Variants in LPAR1 observed in about 807,000 individuals in gnomAD.
The protein encoded by LPAR1 is LPA receptor 1.
LPAR1 carries 5 observed loss-of-function variants against 23.8 expected under a neutral mutation model. The observed-to-expected ratio is 0.21, with a 90% CI of 0.11 to 0.44. The LOEUF (loss-of-function observed/expected upper bound fraction) is 0.44. LPAR1 is among the 20% of genes least tolerant of loss of function. The pLI, the probability that LPAR1 is intolerant of heterozygous loss-of-function variation, is 0.99. For synonymous variants in LPAR1, 160 were observed against 164.7 expected, an observed-to-expected ratio of 0.97 and a Z score of 0.22; for missense variants, 311 against 482.8, an observed-to-expected ratio of 0.64 and a Z score of 3.33.
chr9:111,032,908 T>A (rs78877335), intron 2 of LPAR1, among the ~76,000 whole-genome samples: 4,379 of 152,278 alleles, frequency 0.029, 75 homozygotes, highest in South Asian at 0.07. Context: ...TTAGTCAAAA[T>A]TTTTTCTTTT....
chr9:110,920,447 G>C (rs530797250), intron 5 of LPAR1, among the ~76,000 whole-genome samples: 55 of 152,174 alleles, frequency 3.6e-4, no homozygotes, highest in African/African-American at 1.3e-3. Context: ...TTCAACTGTT[G>C]TGATTTTTAT....
chr9:110,950,952 C>T (rs192849205), intron 4 of LPAR1, among the ~76,000 whole-genome samples: 2 of 152,062 alleles, frequency 1.3e-5, no homozygotes, highest in South Asian at 2.1e-4. Context: ...TAACTAGATG[C>T]GTTATTGAAT....
At chr9:110,885,968 C>T (rs1016886989) in intron 5 of LPAR1, among the ~76,000 whole-genome samples, 7 of 151,940 alleles carry the variant, frequency 4.6e-5, no homozygotes, top group Non-Finnish European at 1.0e-4. Context: ...GAGGCTGAGG[C>T]GGGTGGATTG....
At chr9:111,026,240 C>T (rs2097689261) in intron 2 of LPAR1, among the ~76,000 whole-genome samples, 1 of 152,154 alleles carries the variant, frequency 6.6e-6, no homozygotes, top group African/African-American at 2.4e-5. Flanking sequence ...AGACATCCTT[C>T]ACATCCCTTG....
chr9:111,010,283 TAGG>T (rs1180018769), intron 2 of LPAR1, among the ~76,000 whole-genome samples: 1 of 152,014 alleles, frequency 6.6e-6, no homozygotes, highest in Non-Finnish European at 1.5e-5. Context: ...GCAGAAATTA[TAGG>T]AGAATGTTAA....
At chr9:110,991,088 G>T (rs893941512) in intron 2 of LPAR1, among the ~76,000 whole-genome samples, 1 of 152,112 alleles carries the variant, frequency 6.6e-6, no homozygotes, top group Non-Finnish European at 1.5e-5. Flanking sequence ...ACTGAAAAGG[G>T]TCATAAACCT....
At chr9:110,940,896 A>T (rs1289562901) in intron 5 of LPAR1, among the ~76,000 whole-genome samples, 1 of 152,212 alleles carries the variant, frequency 6.6e-6, no homozygotes, top group Non-Finnish European at 1.5e-5. Flanking sequence ...TTTCATGAAG[A>T]TGACTGTCAG....
chr9:110,881,092 C>A (rs944651621), intron 5 of LPAR1, among the ~76,000 whole-genome samples: 4 of 152,092 alleles, frequency 2.6e-5, no homozygotes, highest in African/African-American at 9.7e-5. Flanking sequence ...ATTAAAAAAT[C>A]TTTTTTCCTG....
chr9:110,969,713 G>GA (rs1011696686), intron 4 of LPAR1, among the ~76,000 whole-genome samples: 1,328 of 130,968 alleles, frequency 0.01, 15 homozygotes, highest in African/African-American at 0.032. Context: ...CTCTGTCTCA[G>GA]AAAAAAAAAA....
At chr9:110,921,306 T>C (rs1342306533) in intron 5 of LPAR1, among the ~76,000 whole-genome samples, 2 of 152,210 alleles carry the variant, frequency 1.3e-5, no homozygotes, top group African/African-American at 4.8e-5. Context: ...TGAATGTATT[T>C]TTCCTTTCAA....
intron 5 of LPAR1, among the ~76,000 whole-genome samples, chr9:110,892,113 G>A (rs2084382581): frequency 6.6e-6 from 1 of 152,212 alleles, no homozygotes; most frequent in Non-Finnish European, 1.5e-5. Context: ...ATTTGTAATA[G>A]TCAGTAACTA....
At chr9:110,966,047 T>G (rs2096207459) in intron 4 of LPAR1, among the ~76,000 whole-genome samples, 1 of 152,072 alleles carries the variant, frequency 6.6e-6, no homozygotes, top group Non-Finnish European at 1.5e-5. Flanking sequence ...GTACCACATA[T>G]TCTCACTCAT....
intron 2 of LPAR1, among the ~76,000 whole-genome samples, chr9:111,005,151 C>CAAAAA (rs71371700): frequency 5.4e-5 from 4 of 74,292 alleles, no homozygotes; most frequent in African/African-American, 2.1e-4. Context: ...GACAAAGTCT[C>CAAAAA]AAAAAAAAAA....
At chr9:110,888,475 G>C (rs1487527458) in intron 5 of LPAR1, among the ~76,000 whole-genome samples, 1 of 151,052 alleles carries the variant, frequency 6.6e-6, no homozygotes, top group Non-Finnish European at 1.5e-5. Flanking sequence ...AATTTTCATA[G>C]AAACGATGTC....
chr9:110,909,818 T>C (rs1564438170), intron 5 of LPAR1, among the ~76,000 whole-genome samples: 2 of 151,016 alleles, frequency 1.3e-5, no homozygotes, highest in Admixed American at 6.6e-5. Flanking sequence ...TGATCTCGGC[T>C]CACTATGACC....
chr9:110,969,454 G>A (rs968209044), intron 4 of LPAR1, among the ~76,000 whole-genome samples: 5 of 152,120 alleles, frequency 3.3e-5, no homozygotes, highest in Non-Finnish European at 7.4e-5. Flanking sequence ...GCTCATGGCT[G>A]TAATCCCAGA....
At chr9:111,006,939 T>G (rs1245756597) in intron 2 of LPAR1, among the ~76,000 whole-genome samples, 2 of 152,096 alleles carry the variant, frequency 1.3e-5, no homozygotes, top group Non-Finnish European at 2.9e-5. Context: ...TGGGGACAGA[T>G]CCCTCATGAA....
At chr9:110,969,149 A>G (rs577070385) in intron 4 of LPAR1, among the ~76,000 whole-genome samples, 36 of 152,246 alleles carry the variant, frequency 2.4e-4, no homozygotes, top group African/African-American at 8.4e-4. Context: ...TGTTGGATAG[A>G]GGTATAAGCT....
At chr9:111,017,527 T>C (rs1177728498) in intron 2 of LPAR1, among the ~76,000 whole-genome samples, 2 of 152,218 alleles carry the variant, frequency 1.3e-5, no homozygotes, top group African/African-American at 4.8e-5. Context: ...ATCAATGGCA[T>C]CTAGAAGAAA....
Sources: allele counts gnomAD v4.1 joint callset (sites outside exome capture counted in the v4.1 genomes callset), GRCh38; gene constraint gnomAD v4.1.1; transcripts MANE v1.5; gene names NCBI Gene and HGNC (gene_info 2026-07-23, HGNC 2026-07-21).